KMT2E: variants seen among roughly 807,000 people sequenced by gnomAD.
KMT2E encodes histone reader KMT2E.
Under a neutral mutation model 184.6 loss-of-function variants are expected in KMT2E, and 30 were observed. The ratio of observed to expected loss-of-function variants is 0.16; its 90% CI spans 0.12 to 0.22. The LOEUF (loss-of-function observed/expected upper bound fraction) is 0.22. KMT2E is among the 10% of genes least tolerant of loss of function. The pLI is 1.00. For missense variants in KMT2E, 2,023 were observed against 2,237.4 expected, an observed-to-expected ratio of 0.90 and a Z score of 1.93; for synonymous variants, 815 against 776.5, an observed-to-expected ratio of 1.05 and a Z score of -0.82.
chr7:105,034,889 T>C (rs1223924593), intron 1 of KMT2E, among the ~76,000 whole-genome samples: 1 of 151,762 alleles, frequency 6.6e-6, no homozygotes, highest in African/African-American at 2.4e-5. Flanking sequence ...GAGTTTTCGC[T>C]TTGTCACCCA....
Position 105,107,694 on chromosome 7 carries a change from A to G in KMT2E, c.3237A>G (p.Ser1079=). 6.2e-7 allele frequency: 1 copy of G among 1,614,106 alleles called. No homozygotes were observed. The highest frequency in any genetic ancestry group is 8.5e-7 in the Non-Finnish European group (1 of 1,179,984). The change falls in exon 22 of 27, where the codon TCA becomes TCG. Residue 1079 remains serine (S), a synonymous_variant. Transcript: ENST00000311117. ...KSPDRTGVNF[S]VNSNLRDLTP... is the part of the protein sequence containing the mutation. ...CTGACAGAACAGGAGTTAACTTCTC[A>G]GTGAACTCCAACTTGAGGGACCTGA...
At chr7:105,024,639 A>G (rs548367503) in intron 1 of KMT2E, among the ~76,000 whole-genome samples, 14 of 152,280 alleles carry the variant, frequency 9.2e-5, no homozygotes, top group African/African-American at 3.4e-4. Context: ...TTTATATTCC[A>G]GTTCTCTGCT....
At chr7:105,083,376 C>T (rs1386417321) in intron 13 of KMT2E, among the ~76,000 whole-genome samples, 2 of 152,118 alleles carry the variant, frequency 1.3e-5, no homozygotes, top group African/African-American at 4.8e-5. Flanking sequence ...CAGTGTTGAA[C>T]TCATAGGGTT....
chr7:105,054,775 A>G (rs752362166), intron 3 of KMT2E, among the ~76,000 whole-genome samples: 6 of 152,176 alleles, frequency 3.9e-5, no homozygotes, highest in Non-Finnish European at 8.8e-5. Flanking sequence ...TTGGCCTCCC[A>G]AAGTGCTAGG....
chr7:105,021,311 G>T (rs142506413), intron 1 of KMT2E, among the ~76,000 whole-genome samples: 2 of 152,162 alleles, frequency 1.3e-5, no homozygotes, highest in African/African-American at 4.8e-5. Context: ...TTAAGCCTTC[G>T]CTGTAACAAT....
intron 19 of KMT2E, 39 bp downstream of exon 19, chr7:105,106,042 G>A: frequency 6.3e-7 from 1 of 1,580,542 alleles, no homozygotes; most frequent in Non-Finnish European, 8.6e-7. Context: ...TGAGAAATGT[G>A]GCAGGGCATA....
chr7:105,059,358 T>A (rs1796699041), intron 3 of KMT2E, among the ~76,000 whole-genome samples: 1 of 152,222 alleles, frequency 6.6e-6, no homozygotes, highest in Admixed American at 6.5e-5. Flanking sequence ...CTGTAAATCG[T>A]TGCTAAAACT....
At chr7:105,068,491 T>C (rs1797137552) in intron 6 of KMT2E, among the ~76,000 whole-genome samples, 1 of 151,840 alleles carries the variant, frequency 6.6e-6, no homozygotes, top group African/African-American at 2.4e-5. Context: ...TCTCACATTG[T>C]CGAACAGGCT....
chr7:105,106,106 G>C (rs996630283), intron 19 of KMT2E, 103 bp downstream of exon 19: 11 of 1,152,096 alleles, frequency 9.5e-6, no homozygotes, highest in African/African-American at 1.6e-5. Context: ...CTTTAGAAGA[G>C]AAGCACATTG....
chr7:105,043,080 GGAA>G (rs1195467089), intron 3 of KMT2E, among the ~76,000 whole-genome samples: 1 of 152,102 alleles, frequency 6.6e-6, no homozygotes, highest in Non-Finnish European at 1.5e-5. Flanking sequence ...TTTTTAATTG[GGAA>G]GAAGAACATC....
In KMT2E at chr7:105,105,838, CATGTATT is replaced by C. The variant is rs761578192; in HGVS notation, c.2452-20_2452-14del. ...AGCTACAAAGTGATTCCTGTTCATT[CATGTATT>C]CTGTTTTATTCAGCGATGGTTGAAA... is the stretch of plus-strand genomic sequence containing the variant. On this transcript the variant is annotated splice_polypyrimidine_tract_variant and intron_variant, in intron 18 of 26. Transcript: ENST00000311117. The C allele has an allele frequency of 2.8e-4, 441 of 1,602,238 alleles. No homozygotes were observed. Among genetic ancestry groups the C allele is most frequent in the Non-Finnish European group, 3.6e-4 (425 of 1,176,270 alleles).
intron 3 of KMT2E, among the ~76,000 whole-genome samples, chr7:105,059,995 T>G (rs1400904325): frequency 2.6e-4 from 32 of 121,394 alleles, no homozygotes; most frequent in African/African-American, 9.7e-4. Context: ...TTTTTTTTTT[T>G]TTTTTTTTTT....
chr7:105,080,163 T>C (rs1797703713), intron 12 of KMT2E, among the ~76,000 whole-genome samples: 1 of 152,146 alleles, frequency 6.6e-6, no homozygotes, highest in Admixed American at 6.5e-5. Context: ...TGGACGACTT[T>C]CCTTCTATCT....
Position 105,014,248 on chromosome 7 carries a change from C to A in KMT2E, c.-476C>A. ...ACTGAGCGGGCGCAGGGGGCCGAGT[C>A]GGAGACCGTGCCGGAGTTCGGGAGC... On this transcript the variant is annotated 5_prime_UTR_variant, in exon 1 of 27. Coordinates refer to ENST00000311117, the MANE Select transcript of KMT2E (RefSeq NM_182931.3). 5.5e-6 allele frequency: 1 copy of A among 180,214 alleles called. No individual in the cohort carries two copies. Among genetic ancestry groups the A allele is most frequent in the South Asian group, 1.2e-4 (1 of 8,078 alleles). 11.2% of individuals were successfully genotyped at this position (180,214 alleles called of 1,614,324 possible).
At chr7:105,080,992 G>A (rs1448942187) in intron 12 of KMT2E, among the ~76,000 whole-genome samples, 1 of 152,070 alleles carries the variant, frequency 6.6e-6, no homozygotes, top group Admixed American at 6.6e-5. Context: ...GGCAGAGTGA[G>A]ACTCTGTCTC....
In KMT2E at chr7:105,113,186, G is replaced by A. The variant is rs749746435; in HGVS notation, c.5430G>A (p.Gly1810=). Residue 1810 remains glycine, a synonymous_variant, in exon 27 of 27, where the codon GGG becomes GGA. Transcript: ENST00000311117. ...PNSIPTPTAS[G]FCPHPGSVAL... ...GTATTCCAACACCTACTGCTTCAGG[G>A]TTCTGTCCTCATCCTGGCTCTGTGG... 6.2e-7 allele frequency: 1 copy of A among 1,614,182 alleles called. No homozygotes were observed. The highest frequency in any genetic ancestry group is 8.5e-7 in the Non-Finnish European group (1 of 1,180,034).
rs1178623951 is a variant in KMT2E at position 105,112,165 on chromosome 7, C to G, written c.4409C>G (p.Pro1470Arg). Residue 1470 changes from proline to arginine, a missense_variant, in exon 27 of 27, where the codon CCT becomes CGT. Pro to Arg is a moderately radical substitution (Grantham distance 103). Transcript: ENST00000311117. ...CATGGTTATCTTTCACCAAAGCCTC[C>G]TTCACAGCAGTTAGGATCTCCCTAC... The part of the protein sequence containing the change: ...VQHGYLSPKP[P>R]SQQLGSPYRP... The G allele has an allele frequency of 1.2e-6, 2 of 1,614,168 alleles. No individual in the cohort carries two copies. The highest frequency in any genetic ancestry group is 4.5e-5 in the East Asian group (2 of 44,884).
At chr7:105,044,821 C>T (rs1308360301) in intron 3 of KMT2E, among the ~76,000 whole-genome samples, 1 of 152,172 alleles carries the variant, frequency 6.6e-6, no homozygotes, top group African/African-American at 2.4e-5. Context: ...ATGCTACTTT[C>T]AGTCTTTGAT....
At chr7:105,093,480 G>A (rs537723516) in intron 15 of KMT2E, among the ~76,000 whole-genome samples, 1 of 152,188 alleles carries the variant, frequency 6.6e-6, no homozygotes, top group South Asian at 2.1e-4. Flanking sequence ...TCAGGAGTTC[G>A]AGACCAGCCT....
Sources: allele counts gnomAD v4.1 joint callset (sites outside exome capture counted in the v4.1 genomes callset), GRCh38; gene constraint gnomAD v4.1.1; transcripts MANE v1.5; gene names NCBI Gene and HGNC (gene_info 2026-07-23, HGNC 2026-07-21).